The following CRCP variants were observed in gnomAD, a reference collection of about 807,000 sequenced individuals.
The protein encoded by CRCP is DNA-directed RNA polymerase III subunit RPC9.
CRCP carries 18 observed loss-of-function variants against 18.5 expected under a neutral mutation model. The ratio of observed to expected loss-of-function variants is 0.97; its 90% CI spans 0.67 to 1.44. CRCP has a LOEUF of 1.44. CRCP is among the 40% of genes most tolerant of loss of function. CRCP has a pLI of 0.00. For missense variants in CRCP, 130 were observed against 176.4 expected, an observed-to-expected ratio of 0.74 and a Z score of 1.49; for synonymous variants, 53 against 62.9, an observed-to-expected ratio of 0.84 and a Z score of 0.75.
chr7:66,126,435 T>C (rs1787620482), intron 1 of CRCP, among the ~76,000 whole-genome samples: 1 of 149,220 alleles, frequency 6.7e-6, no homozygotes, highest in African/African-American at 2.4e-5. Flanking sequence ...TTCATCCAGT[T>C]CAGTCTCATT....
chr7:66,116,684 C>T (rs560861194), intron 1 of CRCP, among the ~76,000 whole-genome samples: 2 of 152,034 alleles, frequency 1.3e-5, no homozygotes, highest in Non-Finnish European at 2.9e-5. Flanking sequence ...GAAAATCCTC[C>T]GTCCCCACAT....
At chr7:66,129,828 C>T (rs1374331696) in intron 2 of CRCP, among the ~76,000 whole-genome samples, 1 of 151,960 alleles carries the variant, frequency 6.6e-6, no homozygotes, top group Admixed American at 6.6e-5. Flanking sequence ...TGAGAGGGGT[C>T]GTATTGTATC....
At chr7:66,127,769 T>C (rs1562762447) in intron 2 of CRCP, 29 bp downstream of exon 2, 1 of 1,612,426 alleles carries the variant, frequency 6.2e-7, no homozygotes, top group East Asian at 2.2e-5. Context: ...TTTTCCTCTC[T>C]GATAGTTTGC....
At chr7:66,122,300 G>A (rs112820888) in intron 1 of CRCP, among the ~76,000 whole-genome samples, 6 of 151,752 alleles carry the variant, frequency 4.0e-5, no homozygotes, top group Non-Finnish European at 5.9e-5. Flanking sequence ...GCATGAACCC[G>A]GGTGGCGGAG....
At chr7:66,129,710 G>A (rs896180586) in intron 2 of CRCP, among the ~76,000 whole-genome samples, 1 of 152,182 alleles carries the variant, frequency 6.6e-6, no homozygotes, top group Non-Finnish European at 1.5e-5. Flanking sequence ...TGGCTTTTAG[G>A]AGCCTCCTTG....
chr7:66,119,714 CTGTT>C lies in CRCP; in HGVS notation c.8+4747_8+4750del, dbSNP rs754389432. 9 of 152,276 alleles carry C rather than the reference CTGTT, an allele frequency of 5.9e-5. No individual in the cohort carries two copies. The South Asian group carries it at 6.2e-4, about 11-fold the overall frequency. The allele number at this position is 152,276 out of a possible 1,614,324, so 9.4% of individuals were successfully genotyped here. On this transcript the variant is annotated intron_variant, in intron 1 of 5. Coordinates refer to ENST00000395326, the MANE Select transcript of CRCP (RefSeq NM_014478.5). The stretch of plus-strand genomic sequence containing the variant: ...TTGTCGAGTGAGAGCAGAGGAAAAA[CTGTT>C]TGATTATCAACCAACTTGTCATATC...
chr7:66,133,110 C>G (rs1050181301), intron 3 of CRCP, among the ~76,000 whole-genome samples: 1 of 151,860 alleles, frequency 6.6e-6, no homozygotes, highest in Non-Finnish European at 1.5e-5. Flanking sequence ...AACAGCCTAC[C>G]CTTTGCTTAA....
At chr7:66,142,264 T>G (rs1185948131) in intron 4 of CRCP, among the ~76,000 whole-genome samples, 1 of 152,184 alleles carries the variant, frequency 6.6e-6, no homozygotes, top group Non-Finnish European at 1.5e-5. Context: ...TTTTCCCTCC[T>G]GGAATTTCAG....
intron 4 of CRCP, among the ~76,000 whole-genome samples, chr7:66,135,166 A>G (rs559380184): frequency 6.6e-6 from 1 of 152,320 alleles, no homozygotes; most frequent in South Asian, 2.1e-4. Context: ...GTTCTTACAG[A>G]CGCAGTGCCT....
chr7:66,133,707 T>A (rs1023110762), intron 3 of CRCP, among the ~76,000 whole-genome samples: 10 of 151,886 alleles, frequency 6.6e-5, no homozygotes, highest in African/African-American at 2.2e-4. Flanking sequence ...TTTTTTTTTT[T>A]TGAGATCAGA....
chr7:66,130,160 C>T, intron 2 of CRCP: 1 of 243,536 alleles, frequency 4.1e-6, no homozygotes, highest in Non-Finnish European at 7.2e-6. Context: ...GGCTGGAGTA[C>T]AGTGGCACCA....
chr7:66,121,343 G>A (rs959224778), intron 1 of CRCP, among the ~76,000 whole-genome samples: 9 of 151,958 alleles, frequency 5.9e-5, no homozygotes, highest in African/African-American at 1.7e-4. Flanking sequence ...GAGCCACCGC[G>A]CTGGCCCAGA....
In CRCP at chr7:66,153,926, T is replaced by G. The variant is rs1788539789; in HGVS notation, c.*1569T>G. On this transcript the variant is annotated 3_prime_UTR_variant, in exon 6 of 6. Coordinates refer to ENST00000395326, the MANE Select transcript of CRCP (RefSeq NM_014478.5). ...GATATAAAAAACTAGCCGAGCGTGG[T>G]GTTGCATGCCTGTGATCCCAGCTAC... 1 of 151,926 alleles carries G rather than the reference T, an allele frequency of 6.6e-6. No individual in the cohort carries two copies. The highest frequency in any genetic ancestry group is 1.5e-5 in the Non-Finnish European group (1 of 68,034). 9.4% of individuals were successfully genotyped at this position (151,926 alleles called of 1,614,324 possible). A position where few individuals can be genotyped will look rare whatever the true frequency, so the allele number is the denominator to read the frequency against.
At position 66,153,536 on chromosome 7, in the gene CRCP, A is replaced by G. The variant is rs572293676; in HGVS notation, c.*1179A>G. On this transcript the variant is annotated 3_prime_UTR_variant, in exon 6 of 6. Transcript: ENST00000395326. ...GCCCCAGGCATGTGGTTGTTGCCTT[A>G]GGTCCTGCGAATATTGCTGAAAATC... 3.5e-4 allele frequency: 54 copies of G among 152,304 alleles called. No individual in the cohort carries two copies. The highest frequency in any genetic ancestry group is 1.3e-3 in the African/African-American group (54 of 41,570). 9.4% of individuals were successfully genotyped at this position (152,304 alleles called of 1,614,324 possible). A position where few individuals can be genotyped will look rare whatever the true frequency, so the allele number is the denominator to read the frequency against.
Position 66,145,467 on chromosome 7 carries a change from C to T in CRCP, c.264C>T (p.Asn88=). The T allele has an allele frequency of 6.2e-7, 1 of 1,614,020 alleles. No individual in the cohort carries two copies. Among genetic ancestry groups the T allele is most frequent in the Non-Finnish European group, 8.5e-7 (1 of 1,179,932 alleles). Residue 88 remains asparagine, a synonymous_variant, in exon 5 of 6, where the codon AAC becomes AAT. Transcript: ENST00000395326. ...GAGCTGAGAAGCTCCAGCTGCTGAA[C>T]CACCGGCCTGTGACTGCTGTGGAGA... ...LTKAEKLQLL[N]HRPVTAVEIQ...
At chr7:66,122,374 CAAAAAAA>C (rs939428601) in intron 1 of CRCP, among the ~76,000 whole-genome samples, 7 of 57,956 alleles carry the variant, frequency 1.2e-4, no homozygotes, top group South Asian at 1.4e-3. Context: ...GACTCCGTCT[CAAAAAAA>C]AAAAAAAAAA....
At chr7:66,127,442 A>G (rs1380992869) in intron 1 of CRCP, among the ~76,000 whole-genome samples, 2 of 152,224 alleles carry the variant, frequency 1.3e-5, no homozygotes, top group African/African-American at 2.4e-5. Context: ...CAAGATGTCA[A>G]TAGCTGATGG....
At chr7:66,122,704 ACTGGGTGG>A (rs1440202498) in intron 1 of CRCP, among the ~76,000 whole-genome samples, 12 of 152,040 alleles carry the variant, frequency 7.9e-5, no homozygotes, top group Admixed American at 4.6e-4. Flanking sequence ...AGCACCAGAC[ACTGGGTGG>A]CTTAGACAGC....
chr7:66,138,470 T>A (rs141282259), intron 4 of CRCP, among the ~76,000 whole-genome samples: 2,867 of 151,940 alleles, frequency 0.019, 45 homozygotes, highest in Non-Finnish European at 0.027. Context: ...AGATTTTTTT[T>A]ATCCCCCTCT....
Sources: gnomAD v4.1 joint callset for allele counts (sites outside exome capture counted in the v4.1 genomes callset) on GRCh38, gnomAD v4.1.1 for gene constraint, MANE v1.5 for transcripts, NCBI Gene and HGNC (gene_info 2026-07-23, HGNC 2026-07-21) for gene names.